The following ALK variants were observed in gnomAD, a reference collection of about 807,000 sequenced individuals.
The protein encoded by ALK is ALK receptor tyrosine kinase.
In ALK, 74 loss-of-function variants were observed where a neutral mutation model predicts 163.1. That is an observed-to-expected ratio of 0.45 (90% confidence interval 0.38 to 0.55). The LOEUF (loss-of-function observed/expected upper bound fraction) is 0.55, where lower values mean the gene tolerates loss of function less well. Among genes scored for constraint, ALK ranks in the 20% least tolerant of loss-of-function variants. ALK has a pLI of 0.00. For synonymous variants in ALK, 960 were observed against 843.2 expected, an observed-to-expected ratio of 1.14 and a Z score of -2.40; for missense variants, 2,063 against 2,105.3, an observed-to-expected ratio of 0.98 and a Z score of 0.39.
chr2:29,655,159 T>G (rs1677150821), intron 3 of ALK, among the ~76,000 whole-genome samples: 2 of 152,260 alleles, frequency 1.3e-5, no homozygotes, highest in Non-Finnish European at 2.9e-5. Context: ...TTTATCAACC[T>G]TCAAAGTCTA....
At chr2:29,237,946 G>T (rs910171547) in intron 13 of ALK, among the ~76,000 whole-genome samples, 5 of 152,246 alleles carry the variant, frequency 3.3e-5, no homozygotes, top group African/African-American at 1.2e-4. Context: ...TAATGCCACT[G>T]TTGAGAAAGC....
intron 3 of ALK, among the ~76,000 whole-genome samples, chr2:29,672,304 CT>C (rs1411726049): frequency 7.9e-4 from 120 of 151,740 alleles, no homozygotes; most frequent in African/African-American, 2.9e-3. Flanking sequence ...TTAGGTATAT[CT>C]CCCAATGCTA....
chr2:29,410,954 T>C (rs1347252783), intron 4 of ALK, among the ~76,000 whole-genome samples: 1 of 152,250 alleles, frequency 6.6e-6, no homozygotes, highest in Admixed American at 6.5e-5. Context: ...TTATAAACTT[T>C]TAATTTTTTG....
At chr2:29,802,444 C>G (rs867006731) in intron 1 of ALK, among the ~76,000 whole-genome samples, 1 of 58 alleles carries the variant, frequency 0.017, no homozygotes, top group Non-Finnish European at 0.036. Context: ...GAGGGGAGGG[C>G]AGGGGAGGGG....
chr2:29,902,861 C>T (rs1049928073), intron 1 of ALK, among the ~76,000 whole-genome samples: 1 of 152,198 alleles, frequency 6.6e-6, no homozygotes, highest in African/African-American at 2.4e-5. Context: ...CTCTTAAGCT[C>T]ACACCATCTA....
chr2:29,618,226 C>T (rs58541782), intron 3 of ALK, among the ~76,000 whole-genome samples: 3,873 of 152,278 alleles, frequency 0.025, 94 homozygotes, highest in South Asian at 0.056. Flanking sequence ...CCTCCAAATC[C>T]AATCCAGATG....
intron 3 of ALK, among the ~76,000 whole-genome samples, chr2:29,612,666 G>A (rs1675730297): frequency 6.6e-6 from 1 of 152,160 alleles, no homozygotes; most frequent in African/African-American, 2.4e-5. Context: ...TCGCCCTCCT[G>A]TTGAGGAGTC....
At chr2:29,398,092 T>C (rs1213796478) in intron 4 of ALK, among the ~76,000 whole-genome samples, 2 of 152,152 alleles carry the variant, frequency 1.3e-5, no homozygotes, top group Non-Finnish European at 1.5e-5. Flanking sequence ...TTTTAAGGGA[T>C]GCTGAGCCTG....
Position 29,485,796 on chromosome 2 carries a change from C to T in ALK, c.1154+46119G>A, listed in dbSNP as rs189915979. Among the ~76,000 whole-genome samples, 16 of 152,252 alleles carry T rather than the reference C, an allele frequency of 1.1e-4. No homozygotes were observed. In the South Asian group the frequency reaches 2.7e-3, roughly 26 times the overall value. On this transcript the variant is annotated intron_variant, in intron 4 of 28. Transcript: ENST00000389048. ...GATTCAATCTCTGGGCAGTCTGGTTCGGGTCTGAGTCATAAGACATTGTTC... is the reference window on the plus strand; with the variant it reads ...GATTCAATCTCTGGGCAGTCTGGTTTGGGTCTGAGTCATAAGACATTGTTC...
At chr2:29,374,785 C>T (rs1238304399) in intron 5 of ALK, among the ~76,000 whole-genome samples, 2 of 152,022 alleles carry the variant, frequency 1.3e-5, no homozygotes, top group East Asian at 1.9e-4. Context: ...GTTCAGTCCA[C>T]GGTAAGTTAA....
At chr2:29,677,324 C>G (rs893385026) in intron 3 of ALK, among the ~76,000 whole-genome samples, 4 of 140,286 alleles carry the variant, frequency 2.9e-5, no homozygotes, top group Non-Finnish European at 3.1e-5. Flanking sequence ...GGCTCAATCA[C>G]TACAAGTGAT....
chr2:29,875,333 T>C (rs1041961690), intron 1 of ALK, among the ~76,000 whole-genome samples: 6 of 152,176 alleles, frequency 3.9e-5, no homozygotes, highest in African/African-American at 1.4e-4. Flanking sequence ...TGGATAATGG[T>C]GAGGGTGGCA....
chr2:29,486,299 C>G, intron 4 of ALK, among the ~76,000 whole-genome samples: 1 of 151,906 alleles, frequency 6.6e-6, no homozygotes, highest in African/African-American at 2.4e-5. Context: ...TATCTCTTAC[C>G]CTTTAGAATA....
chr2:29,399,220 G>T (rs563017586), intron 4 of ALK, among the ~76,000 whole-genome samples: 2 of 152,298 alleles, frequency 1.3e-5, no homozygotes, highest in East Asian at 3.9e-4. Context: ...CCATTGCACA[G>T]ATTAAAAAAC....
intron 4 of ALK, among the ~76,000 whole-genome samples, chr2:29,443,316 T>C (rs1389510070): frequency 6.6e-6 from 1 of 152,148 alleles, no homozygotes; most frequent in Non-Finnish European, 1.5e-5. Flanking sequence ...AGGAAAACAG[T>C]TCCATTGCAT....
chr2:29,754,310 C>A (rs1680454023), intron 1 of ALK, among the ~76,000 whole-genome samples: 2 of 152,132 alleles, frequency 1.3e-5, no homozygotes, highest in South Asian at 4.1e-4. Context: ...TTTCTCCCTG[C>A]CTGCATCTCC....
chr2:29,427,518 C>A (rs1670173434), intron 4 of ALK, among the ~76,000 whole-genome samples: 1 of 150,806 alleles, frequency 6.6e-6, no homozygotes, highest in African/African-American at 2.4e-5. Context: ...TATGGTAAGC[C>A]CTAGAGAAAC....
intron 3 of ALK, among the ~76,000 whole-genome samples, chr2:29,573,987 T>C (rs1331141587): frequency 6.6e-6 from 1 of 152,090 alleles, no homozygotes; most frequent in African/African-American, 2.4e-5. Context: ...GTGGGTAGAA[T>C]TTCAGGTAGT....
At chr2:29,229,139 G>T in intron 15 of ALK, 73 bp from the exon 16 acceptor site, 1 of 1,481,816 alleles carries the variant, frequency 6.7e-7, no homozygotes, top group South Asian at 1.2e-5. Flanking sequence ...CAGAGAAGCA[G>T]GATGCAGGAC....
Sources: allele counts gnomAD v4.1 joint callset (sites outside exome capture counted in the v4.1 genomes callset), GRCh38; gene constraint gnomAD v4.1.1; transcripts MANE v1.5; gene names NCBI Gene and HGNC (gene_info 2026-07-23, HGNC 2026-07-21).